CLCC1: variants seen among roughly 807,000 people sequenced by gnomAD.
CLCC1 encodes chloride channel CLIC-like protein 1.
A neutral mutation model predicts 63.3 loss-of-function variants in CLCC1; 39 were observed. That is an observed-to-expected ratio of 0.62 (90% CI 0.48 to 0.81). CLCC1 has a LOEUF of 0.81. Ranked by LOEUF, CLCC1 falls within the 30% of genes least tolerant of loss-of-function variation. The pLI is 0.00. For missense variants in CLCC1, 549 were observed against 669.4 expected (o/e 0.82, Z 1.98); for synonymous variants, 217 against 239.8 (o/e 0.90, Z 0.88).
rs1557886922 is a variant in CLCC1, at chr1:108,931,345, A to AAAGT, written c.*1198_*1201dup. On this transcript the variant is annotated 3_prime_UTR_variant, in exon 13 of 13. Transcript: ENST00000369969. ...AGGCAGTTTACAAGGGGATGATAAC[A>AAAGT]AAGTAACTAACTAACTGTAGCAAAA... is the stretch of plus-strand genomic sequence containing the variant. The AAAGT allele has an allele frequency of 6.4e-7, 1 of 1,550,722 alleles. No homozygotes were observed. Among genetic ancestry groups the AAAGT allele is most frequent in the Admixed American group, 2.0e-5 (1 of 50,956 alleles).
chr1:108,954,785 A>G (rs1350965941), intron 2 of CLCC1, among the ~76,000 whole-genome samples: 1 of 150,798 alleles, frequency 6.6e-6, no homozygotes, highest in Admixed American at 6.6e-5. Context: ...AACATTTACC[A>G]AATACCTACT....
At position 108,963,378 on chromosome 1, in the gene CLCC1, T is replaced by A. The variant is rs371805051; in HGVS notation, c.-190A>T. On this transcript the variant is annotated 5_prime_UTR_variant, in exon 1 of 13. Coordinates refer to ENST00000369969, the MANE Select transcript of CLCC1 (RefSeq NM_001377458.1). ...GGACTCACGTCCGGGATCCCCTGCCTGCCTCTCGAGGAAGACACCTGCCCA... is the reference window on the plus strand; with the variant it reads ...GGACTCACGTCCGGGATCCCCTGCCAGCCTCTCGAGGAAGACACCTGCCCA... 283 of 701,882 alleles carry A rather than the reference T, an allele frequency of 4.0e-4. No individual in the cohort carries two copies. Among genetic ancestry groups the A allele is most frequent in the South Asian group, 3.7e-3 (247 of 67,598 alleles). The allele number at this position is 701,882 out of a possible 1,614,324, so 43.5% of individuals were successfully genotyped here.
At chr1:108,942,747 G>C in intron 7 of CLCC1, among the ~76,000 whole-genome samples, 1 of 151,994 alleles carries the variant, frequency 6.6e-6, no homozygotes, top group East Asian at 1.9e-4. Context: ...TAATTTCCTT[G>C]TATCTGCCTT....
At position 108,950,547 on chromosome 1, in the gene CLCC1, G is replaced by A. The variant is rs538407241; in HGVS notation, c.-11-99C>T. On this transcript the variant is annotated intron_variant, in intron 2 of 12. Coordinates refer to ENST00000369969, the MANE Select transcript of CLCC1 (RefSeq NM_001377458.1). ...TTATTATTATTATTTTTAGAGACAG[G>A]GTCTTGCTCTATTGCCCAGGCTGGA... The A allele has an allele frequency of 2.7e-4, 172 of 646,228 alleles. No homozygotes were observed. In the African/African-American group the frequency reaches 3.2e-3, roughly 12 times the overall value. 40.0% of individuals were successfully genotyped at this position (646,228 alleles called of 1,614,324 possible).
rs1654717832 is a variant in CLCC1 at position 108,947,710 on chromosome 1, C to T, written c.240G>A (p.Glu80=). ...AGTCTTCCCTCTTTTTCTTTTCACACTCATCAATCTGTAACCATAAAATCA... is the reference window on the plus strand; with the variant it reads ...AGTCTTCCCTCTTTTTCTTTTCACATTCATCAATCTGTAACCATAAAATCA... ...KLDSLTYKID[E]CEKKKREDYE... is the part of the protein sequence containing the mutation. The change falls in exon 5 of 13, where the codon GAG becomes GAA. Residue 80 remains glutamate, a synonymous_variant. Transcript: ENST00000369969. 3 of 1,599,064 alleles carry T rather than the reference C, an allele frequency of 1.9e-6. No individual in the cohort carries two copies. Among genetic ancestry groups the T allele is most frequent in the African/African-American group, 1.3e-5 (1 of 74,398 alleles).
intron 5 of CLCC1, among the ~76,000 whole-genome samples, chr1:108,946,200 C>T (rs1253224716): frequency 6.6e-6 from 1 of 151,800 alleles, no homozygotes; most frequent in African/African-American, 2.4e-5. Flanking sequence ...GTCCCAGCTA[C>T]TCAGGAGGCT....
chr1:108,961,467 G>A lies in CLCC1; in HGVS notation c.-12+842C>T, dbSNP rs1044576854. ...TATGTCATTCTAGTACTTGTCAGGGGACACTACTCTTTCTCTCTCCCGCAG... is the reference window on the plus strand; with the variant it reads ...TATGTCATTCTAGTACTTGTCAGGGAACACTACTCTTTCTCTCTCCCGCAG... On this transcript the variant is annotated intron_variant, in intron 2 of 12. Transcript: ENST00000369969. Among the ~76,000 whole-genome samples, 6 of 152,228 alleles carry A rather than the reference G, an allele frequency of 3.9e-5. No individual in the cohort carries two copies. The South Asian group carries it at 1.2e-3, about 32-fold the overall frequency.
At chr1:108,957,285 G>A (rs747720264) in intron 2 of CLCC1, among the ~76,000 whole-genome samples, 8 of 151,508 alleles carry the variant, frequency 5.3e-5, no homozygotes, top group East Asian at 1.9e-4. Context: ...GTATGGCCAC[G>A]TAATAGTTAA....
intron 9 of CLCC1, 57 bp downstream of exon 9, chr1:108,939,988 A>G: frequency 7.0e-7 from 1 of 1,422,746 alleles, no homozygotes; most frequent in Non-Finnish European, 9.7e-7. Context: ...AAAGTTCTTT[A>G]AAATACAAGG....
intron 1 of CLCC1, 28 bp downstream of exon 1, chr1:108,963,333 C>T (rs958796379): frequency 4.3e-5 from 30 of 697,098 alleles, no homozygotes; most frequent in Non-Finnish European, 5.2e-5. Context: ...CCACCCGCCG[C>T]ACAACACACC....
At position 108,931,253 on chromosome 1, in the gene CLCC1, TGAAA is replaced by T. The variant is rs1651902918; in HGVS notation, c.*1290_*1293del. On this transcript the variant is annotated 3_prime_UTR_variant, in exon 13 of 13. Transcript: ENST00000369969. The stretch of plus-strand genomic sequence containing the variant: ...GATGAAAACTCACAAAAATTAAATA[TGAAA>T]GAAAGATGTCAGCTAGAACCTTAGT... 3 of 1,434,320 alleles carry T rather than the reference TGAAA, an allele frequency of 2.1e-6. No homozygotes were observed. The highest frequency in any genetic ancestry group is 2.7e-5 in the Admixed American group (1 of 37,174). The allele number at this position is 1,434,320 out of a possible 1,614,324, so 88.8% of individuals were successfully genotyped here. A position where few individuals can be genotyped will look rare whatever the true frequency, so the allele number is the denominator to read the frequency against.
chr1:108,933,433 G>A (rs930673641), intron 12 of CLCC1: 5 of 142,368 alleles, frequency 3.5e-5, no homozygotes, highest in African/African-American at 1.3e-4. Flanking sequence ...ATGAGCCACT[G>A]CACCTGGCCT....
intron 10 of CLCC1, among the ~76,000 whole-genome samples, chr1:108,939,330 G>A (rs1463971207): frequency 2.5e-4 from 36 of 142,016 alleles, no homozygotes; most frequent in Middle Eastern, 4.0e-3. Context: ...TTTTTGAGAC[G>A]GAATCTTGCT....
At position 108,929,622 on chromosome 1, in the gene CLCC1, G is replaced by A; in HGVS notation, c.*2925C>T. On this transcript the variant is annotated 3_prime_UTR_variant, in exon 13 of 13. Transcript: ENST00000369969. ...TAAAAGTTTACAACTGCGTTTTCTTGTTGTGACTGAGAGATTTAACATAGC... is the reference window on the plus strand; with the variant it reads ...TAAAAGTTTACAACTGCGTTTTCTTATTGTGACTGAGAGATTTAACATAGC... The A allele has an allele frequency of 2.2e-6, 3 of 1,359,984 alleles. No homozygotes were observed. The highest frequency in any genetic ancestry group is 3.2e-6 in the Non-Finnish European group (3 of 951,578). 84.2% of individuals were successfully genotyped at this position (1,359,984 alleles called of 1,614,324 possible).
Position 108,934,647 on chromosome 1 carries a change from C to T in CLCC1, c.*23G>A. On this transcript the variant is annotated 3_prime_UTR_variant, in exon 12 of 13. Transcript: ENST00000369969. Reference sequence around the variant, plus strand: ...TACAAAGCTCGAAGGAGACTTGAGGCTGTCGTTTGTGCTGGTGTTCCTCTA... The same window carrying T: ...TACAAAGCTCGAAGGAGACTTGAGGTTGTCGTTTGTGCTGGTGTTCCTCTA... The T allele has an allele frequency of 6.2e-7, 1 of 1,604,230 alleles. No homozygotes were observed. Among genetic ancestry groups the T allele is most frequent in the South Asian group, 1.1e-5 (1 of 90,594 alleles).
intron 2 of CLCC1, among the ~76,000 whole-genome samples, chr1:108,957,730 T>A (rs746838144): frequency 1.3e-5 from 2 of 151,408 alleles, no homozygotes; most frequent in Non-Finnish European, 2.9e-5. Context: ...AAGAGTTTTG[T>A]TTGGATATAG....
At chr1:108,934,969 CTG>C in intron 11 of CLCC1, 27 bp from the exon 12 acceptor site, 1 of 1,566,090 alleles carries the variant, frequency 6.4e-7, no homozygotes, top group Non-Finnish European at 8.7e-7. Flanking sequence ...TACATTTTAA[CTG>C]TTTAATGTAA....
At chr1:108,959,375 G>GA (rs956699273) in intron 2 of CLCC1, among the ~76,000 whole-genome samples, 2 of 150,956 alleles carry the variant, frequency 1.3e-5, no homozygotes, top group Admixed American at 6.6e-5. Context: ...AAAAATTAAA[G>GA]AAAAAAAAGC....
rs768924499 is a variant in CLCC1, at chr1:108,929,868, G to T, written c.*2679C>A. 3.7e-6 allele frequency: 6 copies of T among 1,613,838 alleles called. No individual in the cohort carries two copies. The South Asian group carries it at 6.6e-5, about 18-fold the overall frequency. On this transcript the variant is annotated 3_prime_UTR_variant, in exon 13 of 13. Coordinates refer to ENST00000369969, the MANE Select transcript of CLCC1 (RefSeq NM_001377458.1). ...ATCAAAACAGAGACACTGACTTTGGGCTAAAGGACTTTTTGCAAAATAATG... is the reference window on the plus strand; with the variant it reads ...ATCAAAACAGAGACACTGACTTTGGTCTAAAGGACTTTTTGCAAAATAATG...
Sources: gnomAD v4.1 joint callset for allele counts (sites outside exome capture counted in the v4.1 genomes callset) on GRCh38, gnomAD v4.1.1 for gene constraint, MANE v1.5 for transcripts, NCBI Gene and HGNC (gene_info 2026-07-23, HGNC 2026-07-21) for gene names.